ARHGAP39: variants seen among roughly 807,000 people sequenced by gnomAD.
ARHGAP39 encodes rho GTPase-activating protein 39.
Under a neutral mutation model 106.9 loss-of-function variants are expected in ARHGAP39, and 44 were observed. The ratio of observed to expected loss-of-function variants is 0.41; its 90% CI spans 0.32 to 0.53. ARHGAP39 has a LOEUF of 0.53. ARHGAP39 is among the 20% of genes least tolerant of loss of function. The pLI, the probability that ARHGAP39 is intolerant of heterozygous loss-of-function variation, is 0.21. For missense variants in ARHGAP39, 1,496 were observed against 1,577.3 expected, an observed-to-expected ratio of 0.95 and a Z score of 0.87; for synonymous variants, 768 against 693.2, an observed-to-expected ratio of 1.11 and a Z score of -1.69.
intron 1 of ARHGAP39, among the ~76,000 whole-genome samples, chr8:144,616,329 G>T (rs1033423345): frequency 1.6e-4 from 25 of 152,244 alleles, no homozygotes; most frequent in African/African-American, 5.8e-4. Context: ...CCATGAAAGG[G>T]TCCTGGCTTG....
rs1819203200 is a variant in ARHGAP39, at chr8:144,586,919, A to G, written c.81-5642T>C. Among the ~76,000 whole-genome samples the G allele has an allele frequency of 6.6e-6, 1 of 152,202 alleles. No homozygotes were observed. Among genetic ancestry groups the G allele is most frequent in the Non-Finnish European group, 1.5e-5 (1 of 68,028 alleles). On this transcript the variant is annotated intron_variant, in intron 2 of 11. Coordinates refer to ENST00000377307, the MANE Select transcript of ARHGAP39 (RefSeq NM_025251.3). The surrounding 1 kb of genome is among the most constrained non-coding windows in gnomAD (Gnocchi z 4.2). The stretch of plus-strand genomic sequence containing the variant: ...CCACCCAAATCTCCTCCTGAGTTGT[A>G]GTTCCCACAACCCCCAAGTGTAGTG...
chr8:144,564,942 C>G (rs1426055521), intron 3 of ARHGAP39, among the ~76,000 whole-genome samples: 2 of 152,066 alleles, frequency 1.3e-5, no homozygotes, highest in African/African-American at 4.8e-5. Flanking sequence ...AGCCCTGTCT[C>G]TCCTAAAACA....
intron 4 of ARHGAP39, among the ~76,000 whole-genome samples, chr8:144,555,092 T>TG (rs1024810710): frequency 6.6e-5 from 10 of 152,166 alleles, no homozygotes; most frequent in Non-Finnish European, 1.2e-4. Flanking sequence ...CCGCCCAGCG[T>TG]GAAGGCAGTA....
chr8:144,607,582 G>T (rs1563705473), intron 1 of ARHGAP39, among the ~76,000 whole-genome samples: 1 of 152,196 alleles, frequency 6.6e-6, no homozygotes, highest in African/African-American at 2.4e-5. Context: ...CGCCCCCCAG[G>T]AGAGGCCATT....
rs2130844571 is a variant in ARHGAP39, at chr8:144,547,863, G to A, written c.1223C>T (p.Pro408Leu). 7 of 1,586,446 alleles carry A rather than the reference G, an allele frequency of 4.4e-6. No homozygotes were observed. The highest frequency in any genetic ancestry group is 3.4e-6 in the Non-Finnish European group (4 of 1,167,088). ...GTGCCGCGGGCCGGCGCGCAGCTTG[G>A]GGCTGGAGCCCGCCTGCTCCACGTA... ...LVYVEQAGSS[P>L]KLRAGPRHKY... is the part of the protein sequence containing the mutation. Residue 408 changes from proline to leucine, a missense_variant, in exon 5 of 12, where the codon CCC becomes CTC. This residue lies in a region of ARHGAP39 where 905 missense variants were observed against 816.4 expected (regional missense o/e 1.11). Transcript: ENST00000377307. This position sits in a 1 kb window ranked among gnomAD's most constrained non-coding sequence, Gnocchi z 5.2.
chr8:144,582,971 C>T (rs1286489258), intron 2 of ARHGAP39, among the ~76,000 whole-genome samples: 1 of 152,202 alleles, frequency 6.6e-6, no homozygotes, highest in Non-Finnish European at 1.5e-5. Context: ...TCGGCTCAGA[C>T]CCTCCACAGG....
At position 144,548,596 on chromosome 8, in the gene ARHGAP39, A is replaced by T. The variant is rs1172998093; in HGVS notation, c.597-107T>A. On this transcript the variant is annotated intron_variant, in intron 4 of 11. Transcript: ENST00000377307. The surrounding 1 kb of genome is among the most constrained non-coding windows in gnomAD (Gnocchi z 7.4). Reference sequence around the variant, plus strand: ...GCGGCTCCCGCGAACCCTCTGTTGTACACCTTCCTCGCTGGGGCCCTGTGG... The same window carrying T: ...GCGGCTCCCGCGAACCCTCTGTTGTTCACCTTCCTCGCTGGGGCCCTGTGG... 7.1e-7 allele frequency: 1 copy of T among 1,406,780 alleles called. No homozygotes were observed. Among genetic ancestry groups the T allele is most frequent in the Non-Finnish European group, 9.4e-7 (1 of 1,063,554 alleles). The allele number at this position is 1,406,780 out of a possible 1,614,324, so 87.1% of individuals were successfully genotyped here.
rs1252376129 is a variant in ARHGAP39 at position 144,684,133 on chromosome 8, G to C, written c.-82+1553C>G. Among the ~76,000 whole-genome samples, 1 of 152,176 alleles carries C rather than the reference G, an allele frequency of 6.6e-6. No homozygotes were observed. Among genetic ancestry groups the C allele is most frequent in the African/African-American group, 2.4e-5 (1 of 41,448 alleles). ...CAGAACCCGCCCTCCTGTCCACTCT[G>C]CTCCCCTGCCTCTCAGGAAGACAGC... On this transcript the variant is annotated intron_variant, in intron 1 of 11. Coordinates refer to ENST00000377307, the MANE Select transcript of ARHGAP39 (RefSeq NM_025251.3). This position sits in a 1 kb window ranked among gnomAD's most constrained non-coding sequence, Gnocchi z 4.4.
rs1401082095 is a variant in ARHGAP39, at chr8:144,561,940, A to G, written c.513-6297T>C. Among the ~76,000 whole-genome samples the G allele has an allele frequency of 2.6e-4, 32 of 123,066 alleles. No homozygotes were observed. In the East Asian group the frequency reaches 2.7e-3, roughly 10 times the overall value. 80.7% of individuals were successfully genotyped at this position (123,066 alleles called of 152,430 possible). A position where few individuals can be genotyped will look rare whatever the true frequency, so the allele number is the denominator to read the frequency against. On this transcript the variant is annotated intron_variant, in intron 3 of 11. Coordinates refer to ENST00000377307, the MANE Select transcript of ARHGAP39 (RefSeq NM_025251.3). ...CCATCACACTCCAGTGGTTTCCATCACACTCCAGTGGTTTCCATCGGACTC... is the reference window on the plus strand; with the variant it reads ...CCATCACACTCCAGTGGTTTCCATCGCACTCCAGTGGTTTCCATCGGACTC...
At chr8:144,542,718 C>G (rs1414214381) in intron 6 of ARHGAP39, among the ~76,000 whole-genome samples, 1 of 139,126 alleles carries the variant, frequency 7.2e-6, no homozygotes, top group African/African-American at 2.7e-5. Context: ...GTGGGTGGAT[C>G]AACTCAGGTC....
chr8:144,580,537 C>A (rs1031468971), intron 3 of ARHGAP39, among the ~76,000 whole-genome samples: 4 of 152,170 alleles, frequency 2.6e-5, no homozygotes, highest in Admixed American at 2.6e-4. Context: ...GAGGCTCTGG[C>A]CACTCGCGGG....
upstream of ARHGAP39, among the ~76,000 whole-genome samples, chr8:144,687,363 T>C (rs3115778): frequency 0.94 from 1,251 of 1,330 alleles, 605 homozygotes; most frequent in East Asian, 1. Flanking sequence ...GCGGCGAGCA[T>C]TTCCCACCCC....
chr8:144,548,963 C>T lies in ARHGAP39; in HGVS notation c.597-474G>A, dbSNP rs1817593116. On this transcript the variant is annotated intron_variant, in intron 4 of 11. Coordinates refer to ENST00000377307, the MANE Select transcript of ARHGAP39 (RefSeq NM_025251.3). This position sits in a 1 kb window ranked among gnomAD's most constrained non-coding sequence, Gnocchi z 7.4. ...GGCCCCATTCTCCGACTGGGAGCTC[C>T]TGTGAGCTCCAGAAAGACTGACTGT... Among the ~76,000 whole-genome samples the T allele has an allele frequency of 6.6e-6, 1 of 152,230 alleles. No individual in the cohort carries two copies. The highest frequency in any genetic ancestry group is 2.4e-5 in the African/African-American group (1 of 41,462).
chr8:144,601,734 T>C (rs1311541627), intron 2 of ARHGAP39, among the ~76,000 whole-genome samples: 8 of 143,264 alleles, frequency 5.6e-5, no homozygotes, highest in South Asian at 4.5e-4. Flanking sequence ...CCTGTGTGTG[T>C]GCGTGGAGGC....
chr8:144,549,648 A>G (rs141512094), intron 4 of ARHGAP39, among the ~76,000 whole-genome samples: 1,585 of 152,218 alleles, frequency 0.01, 32 homozygotes, highest in African/African-American at 0.036. Context: ...ACACGCCACC[A>G]GGCCCAGCTA....
intron 6 of ARHGAP39, among the ~76,000 whole-genome samples, chr8:144,538,718 GCAC>G (rs1447798922): frequency 6.6e-6 from 1 of 152,068 alleles, no homozygotes; most frequent in Non-Finnish European, 1.5e-5. Context: ...TTACAGGCAT[GCAC>G]CACCACATCT....
At chr8:144,606,022 G>A (rs898411499) in intron 1 of ARHGAP39, among the ~76,000 whole-genome samples, 7 of 152,228 alleles carry the variant, frequency 4.6e-5, no homozygotes, top group African/African-American at 1.7e-4. Flanking sequence ...GGGACCGTAG[G>A]ACTGGAGGAC....
intron 1 of ARHGAP39, among the ~76,000 whole-genome samples, chr8:144,613,995 C>CT (rs1254455476): frequency 6.6e-6 from 1 of 152,204 alleles, no homozygotes; most frequent in African/African-American, 2.4e-5. Context: ...ACTGCTTCAT[C>CT]TTTAAGTTCA....
At chr8:144,615,726 G>A (rs772052610) in intron 1 of ARHGAP39, among the ~76,000 whole-genome samples, 10 of 152,236 alleles carry the variant, frequency 6.6e-5, no homozygotes, top group Admixed American at 1.3e-4. Context: ...TAGTTTTCCC[G>A]GTTCTGAACA....
Sources: allele counts gnomAD v4.1 joint callset (sites outside exome capture counted in the v4.1 genomes callset), GRCh38; gene constraint gnomAD v4.1.1; regional missense constraint gnomAD v4.1.1; non-coding constraint Gnocchi (gnomAD v3.1); transcripts MANE v1.5; gene names NCBI Gene and HGNC (gene_info 2026-07-23, HGNC 2026-07-21).